Variants in DNAH14 observed in about 807,000 individuals in gnomAD.
The protein encoded by DNAH14 is dynein axonemal heavy chain 14.
DNAH14 carries 478 observed loss-of-function variants against 520.9 expected under a neutral mutation model. The ratio of observed to expected loss-of-function variants is 0.92; its 90% CI spans 0.85 to 0.99. The LOEUF is 0.99. Ranked by LOEUF, DNAH14 falls within the 50% of genes least tolerant of loss-of-function variation. DNAH14 has a pLI of 0.00. For synonymous variants in DNAH14, 1,581 were observed against 1,757.2 expected, an observed-to-expected ratio of 0.90 and a Z score of 2.51; for missense variants, 4,831 against 5,234.5, an observed-to-expected ratio of 0.92 and a Z score of 2.38.
At chr1:225,393,411 G>C (rs915894495) in intron 84 of DNAH14, among the ~76,000 whole-genome samples, 3 of 152,194 alleles carry the variant, frequency 2.0e-5, no homozygotes, top group African/African-American at 7.2e-5. Flanking sequence ...GACCTGTACA[G>C]CATGTTACTG....
At position 225,373,172 on chromosome 1, in the gene DNAH14, GA is replaced by G. The variant is rs3075885; in HGVS notation, c.12319-1503del. Among the ~76,000 whole-genome samples, 101 of 135,744 alleles carry G rather than the reference GA, an allele frequency of 7.4e-4. No homozygotes were observed. The South Asian group carries it at 0.01, about 14-fold the overall frequency. 89.1% of individuals were successfully genotyped at this position (135,744 alleles called of 152,430 possible). A position where few individuals can be genotyped will look rare whatever the true frequency, so the allele number is the denominator to read the frequency against. ...TGTGTATGCTAAACTAGCATTTGTG[GA>G]AAAAAAAAAAAAGACAGGAAAACAG... On this transcript the variant is annotated intron_variant, in intron 77 of 85. Coordinates refer to ENST00000682510, the MANE Select transcript of DNAH14 (RefSeq NM_001367479.1).
intron 43 of DNAH14, among the ~76,000 whole-genome samples, chr1:225,247,681 ATATT>A (rs1352474701): frequency 6.6e-6 from 1 of 152,252 alleles, no homozygotes; most frequent in East Asian, 1.9e-4. Flanking sequence ...TCAATAAAAA[ATATT>A]TAAAGTTTTT....
At chr1:225,192,534 A>G (rs1005279114) in intron 37 of DNAH14, among the ~76,000 whole-genome samples, 162 bp from the exon 38 acceptor site, 16 of 152,136 alleles carry the variant, frequency 1.1e-4, no homozygotes, top group South Asian at 1.0e-3. Flanking sequence ...GATAATTTTA[A>G]GAAGTCAATA....
chr1:225,167,244 A>G (rs1043444258), intron 35 of DNAH14, among the ~76,000 whole-genome samples: 3 of 152,156 alleles, frequency 2.0e-5, no homozygotes, highest in African/African-American at 4.8e-5. Context: ...TTCTGTCTCA[A>G]TGTAGGGATG....
At chr1:224,992,829 T>G (rs1295230190) in intron 8 of DNAH14, among the ~76,000 whole-genome samples, 1 of 152,048 alleles carries the variant, frequency 6.6e-6, no homozygotes, top group Non-Finnish European at 1.5e-5. Flanking sequence ...AAGCATAGTG[T>G]TAGCTGCAGC....
chr1:225,280,936 G>A (rs2093615527), intron 54 of DNAH14, among the ~76,000 whole-genome samples: 1 of 152,258 alleles, frequency 6.6e-6, no homozygotes, highest in South Asian at 2.1e-4. Context: ...AAACAGCTCT[G>A]ATAATTTGTT....
At chr1:225,228,194 G>A (rs1168326294) in intron 41 of DNAH14, among the ~76,000 whole-genome samples, 2 of 152,180 alleles carry the variant, frequency 1.3e-5, no homozygotes, top group Admixed American at 6.5e-5. Flanking sequence ...GCTGTGGCCT[G>A]TATTACTGAA....
chr1:225,335,990 CACATAT>C (rs2095032225), intron 66 of DNAH14, among the ~76,000 whole-genome samples: 3 of 130,368 alleles, frequency 2.3e-5, no homozygotes, highest in Non-Finnish European at 3.2e-5. Flanking sequence ...TGTATATACA[CACATAT>C]GCATATATGT....
At position 225,346,134 on chromosome 1, in the gene DNAH14, A is replaced by G; in HGVS notation, c.10851A>G (p.Val3617=). The G allele has an allele frequency of 6.4e-7, 1 of 1,551,732 alleles. No homozygotes were observed. Among genetic ancestry groups the G allele is most frequent in the Non-Finnish European group, 8.7e-7 (1 of 1,146,974 alleles). The change falls in exon 70 of 86, where the codon GTA becomes GTG. Residue 3617 remains valine, a synonymous_variant. Transcript: ENST00000682510. ...GAGGCGCCCTGCTCTACTTCCTAGT[A>G]GCTGATCTCACACAAATCAACTACA... is the stretch of plus-strand genomic sequence containing the variant. ...ATRGALLYFL[V]ADLTQINYMY...
chr1:225,265,486 T>C, intron 48 of DNAH14, 117 bp downstream of exon 48: 1 of 843,926 alleles, frequency 1.2e-6, no homozygotes. Context: ...TTGAACATCA[T>C]AGAAGATGCA....
At chr1:225,052,125 C>A (rs1341019514) in intron 17 of DNAH14, among the ~76,000 whole-genome samples, 1 of 152,066 alleles carries the variant, frequency 6.6e-6, no homozygotes, top group Non-Finnish European at 1.5e-5. Flanking sequence ...GTTTGTTGAT[C>A]ATCTATTCCA....
chr1:225,264,779 C>A (rs1007835007), intron 47 of DNAH14, among the ~76,000 whole-genome samples: 1 of 152,210 alleles, frequency 6.6e-6, no homozygotes, highest in East Asian at 1.9e-4. Context: ...GATGCCACAC[C>A]ACCAAATCTT....
chr1:225,292,433 A>T (rs565303899), intron 55 of DNAH14, among the ~76,000 whole-genome samples: 20 of 151,634 alleles, frequency 1.3e-4, no homozygotes, highest in Admixed American at 3.9e-4. Context: ...ATTTCTGGGT[A>T]CTCTATTCTA....
chr1:225,247,484 A>T (rs2092352472), intron 43 of DNAH14, among the ~76,000 whole-genome samples: 1 of 152,160 alleles, frequency 6.6e-6, no homozygotes, highest in African/African-American at 2.4e-5. Flanking sequence ...AAACCTAGAG[A>T]AGAAAAAGAT....
At chr1:225,106,320 TC>T (rs751869551) in intron 23 of DNAH14, among the ~76,000 whole-genome samples, 71 of 152,016 alleles carry the variant, frequency 4.7e-4, no homozygotes, top group Non-Finnish European at 7.8e-4. Flanking sequence ...TAACATTTTT[TC>T]CTTCATTTCA....
intron 64 of DNAH14, among the ~76,000 whole-genome samples, chr1:225,326,043 G>T (rs2094658917): frequency 6.6e-6 from 1 of 152,174 alleles, no homozygotes; most frequent in African/African-American, 2.4e-5. Context: ...ATATTTTGTT[G>T]TAGCTTATAG....
rs573028785 is a variant in DNAH14 at position 225,359,964 on chromosome 1, C to T, written c.11777-717C>T. The stretch of plus-strand genomic sequence containing the variant: ...CAACCCATCACCTAGGTATTAAGCC[C>T]CACATGCGTTAGCATTTATCCTGAT... On this transcript the variant is annotated intron_variant, in intron 74 of 85. Coordinates refer to ENST00000682510, the MANE Select transcript of DNAH14 (RefSeq NM_001367479.1). Among the ~76,000 whole-genome samples the T allele has an allele frequency of 2.0e-5, 3 of 152,310 alleles. No homozygotes were observed. The East Asian group carries it at 5.8e-4, about 29-fold the overall frequency.
rs2125498723 is a variant in DNAH14 at position 224,952,700 on chromosome 1, CAT to C, written c.1_2del. On this transcript the variant is annotated 5_prime_UTR_variant, in exon 2 of 86. Coordinates refer to ENST00000682510, the MANE Select transcript of DNAH14 (RefSeq NM_001367479.1). ...TCCTTTATAGTTTTGTTCAGAAAAA[CAT>C]ATGGAGACGTTTATACCCATTGATT... 1 of 1,575,344 alleles carries C rather than the reference CAT, an allele frequency of 6.3e-7. No homozygotes were observed. The highest frequency in any genetic ancestry group is 8.6e-7 in the Non-Finnish European group (1 of 1,165,722).
At position 225,152,681 on chromosome 1, in the gene DNAH14, T is replaced by G. The variant is rs906374005; in HGVS notation, c.5010-16T>G. 6.6e-6 allele frequency: 10 copies of G among 1,512,856 alleles called. No individual in the cohort carries two copies. The highest frequency in any genetic ancestry group is 7.9e-6 in the Non-Finnish European group (9 of 1,132,480). The allele number at this position is 1,512,856 out of a possible 1,614,324, so 93.7% of individuals were successfully genotyped here. On this transcript the variant is annotated splice_polypyrimidine_tract_variant and intron_variant, in intron 32 of 85. Transcript: ENST00000682510. ...GAAGTGGTGTTTTTATTGTTTGTTTTTCTTTTCCTCTTCAGATACGGAGGT... is the reference window on the plus strand; with the variant it reads ...GAAGTGGTGTTTTTATTGTTTGTTTGTCTTTTCCTCTTCAGATACGGAGGT...
Sources: gnomAD v4.1 joint callset for allele counts (sites outside exome capture counted in the v4.1 genomes callset) on GRCh38, gnomAD v4.1.1 for gene constraint, MANE v1.5 for transcripts, NCBI Gene and HGNC (gene_info 2026-07-23, HGNC 2026-07-21) for gene names.